SH3BP4: variants seen among roughly 807,000 people sequenced by gnomAD.
SH3BP4 encodes SH3 domain-binding protein 4.
Under a neutral mutation model 65.5 loss-of-function variants are expected in SH3BP4, and 33 were observed. The ratio of observed to expected loss-of-function variants is 0.50; its 90% confidence interval spans 0.38 to 0.67. The LOEUF (loss-of-function observed/expected upper bound fraction) is 0.67, where lower values mean the gene tolerates loss of function less well. Among genes scored for constraint, SH3BP4 ranks in the 30% least tolerant of loss-of-function variants. The probability of loss-of-function intolerance (pLI) is 0.00; values close to 1 mark genes in which losing one functional copy is unlikely to be tolerated. For synonymous variants in SH3BP4, 552 were observed against 545.5 expected, an observed-to-expected ratio of 1.01 and a Z score of -0.17; for missense variants, 1,134 against 1,261.4, an observed-to-expected ratio of 0.90 and a Z score of 1.53.
Position 235,042,033 on chromosome 2 carries a change from G to C in SH3BP4, c.1264G>C (p.Glu422Gln), listed in dbSNP as rs778013370. The change falls in exon 4 of 6, where the codon GAA (glutamate) becomes CAA (glutamine). Residue 422 changes from glutamate to glutamine, a missense_variant. By Grantham distance (29) the Glu-to-Gln change is conservative. Transcript: ENST00000392011. This position sits in a 1 kb window ranked among gnomAD's most constrained non-coding sequence, Gnocchi z 7.3. ...CCAGTGCCTGAGGAGCGACTCGAAG[G>C]AAGGGCCATATGTCTCCGTCCCGCT... Reference protein sequence around the residue: ...GLQCLRSDSKEGPYVSVPLNC... With the variant: ...GLQCLRSDSKQGPYVSVPLNC... 2 of 1,613,954 alleles carry C rather than the reference G, an allele frequency of 1.2e-6. No homozygotes were observed. The highest frequency in any genetic ancestry group is 1.7e-6 in the Non-Finnish European group (2 of 1,180,032).
chr2:235,049,767 T>G (rs7561714), intron 4 of SH3BP4, among the ~76,000 whole-genome samples: 32,021 of 152,190 alleles, frequency 0.21, 3,714 homozygotes, highest in East Asian at 0.42. Flanking sequence ...AATTCCCAAT[T>G]CCATGTGGGG....
chr2:234,964,129 T>C (rs1327862293), intron 1 of SH3BP4, among the ~76,000 whole-genome samples: 1 of 152,184 alleles, frequency 6.6e-6, no homozygotes, highest in African/African-American at 2.4e-5. Flanking sequence ...AGGCAGCACT[T>C]TGGGGCTTCG....
In SH3BP4 at chr2:235,045,467, C is replaced by T. The variant is rs1028720412; in HGVS notation, c.2478+2220C>T. Among the ~76,000 whole-genome samples the T allele has an allele frequency of 6.6e-6, 1 of 152,032 alleles. No individual in the cohort carries two copies. ...GGATTTTTTGGTGGGCCTCCCTGTC[C>T]GCTCCAGGGAGGGGTGTGTCCTCTG... On this transcript the variant is annotated intron_variant, in intron 4 of 5. Transcript: ENST00000392011. This position sits in a 1 kb window ranked among gnomAD's most constrained non-coding sequence, Gnocchi z 4.3.
intron 1 of SH3BP4, among the ~76,000 whole-genome samples, chr2:234,958,970 G>A (rs186572521): frequency 4.7e-4 from 72 of 152,194 alleles, no homozygotes; most frequent in Admixed American, 2.1e-3. Flanking sequence ...TCTCCTTGGG[G>A]TACCCGTGCG....
intron 1 of SH3BP4, among the ~76,000 whole-genome samples, chr2:234,954,949 T>A (rs1056641531): frequency 6.6e-6 from 1 of 152,218 alleles, no homozygotes; most frequent in Non-Finnish European, 1.5e-5. Context: ...CAGCCTCGTT[T>A]CAGGTACCAG....
intron 1 of SH3BP4, among the ~76,000 whole-genome samples, chr2:234,973,496 T>C (rs1693059377): frequency 6.6e-6 from 1 of 152,186 alleles, no homozygotes; most frequent in African/African-American, 2.4e-5. Flanking sequence ...CATCGAGGAT[T>C]TGTTGACCAC....
intron 2 of SH3BP4, among the ~76,000 whole-genome samples, chr2:235,006,879 T>G (rs957976292): frequency 6.6e-6 from 1 of 152,084 alleles, no homozygotes; most frequent in African/African-American, 2.4e-5. Context: ...ACATGGCTGA[T>G]GCACCTGGTG....
In SH3BP4 at chr2:234,967,908, G is replaced by T. The variant is rs1692880836; in HGVS notation, c.-207+15738G>T. 6.6e-6 allele frequency among the ~76,000 whole-genome samples: 1 copy of T among 152,166 alleles called. No individual in the cohort carries two copies. Among genetic ancestry groups the T allele is most frequent in the Non-Finnish European group, 1.5e-5 (1 of 68,026 alleles). On this transcript the variant is annotated intron_variant, in intron 1 of 5. Coordinates refer to ENST00000392011, the MANE Select transcript of SH3BP4 (RefSeq NM_014521.3). The surrounding 1 kb of genome is among the most constrained non-coding windows in gnomAD (Gnocchi z 4.6). ...GTACTTTGTGGGGCTTCTCTGATTG[G>T]CCATTGTGTGTTCATCTAAGAGTTA...
chr2:234,990,945 C>G (rs954362562), intron 1 of SH3BP4, among the ~76,000 whole-genome samples: 5 of 152,246 alleles, frequency 3.3e-5, no homozygotes, highest in East Asian at 1.9e-4. Context: ...TCACCTGTCC[C>G]TCTCTGTGTG....
rs1695858572 is a variant in SH3BP4, at chr2:235,046,349, GC to G, written c.2478+3103del. On this transcript the variant is annotated intron_variant, in intron 4 of 5. Coordinates refer to ENST00000392011, the MANE Select transcript of SH3BP4 (RefSeq NM_014521.3). The surrounding 1 kb of genome is among the most constrained non-coding windows in gnomAD (Gnocchi z 4.2). The stretch of plus-strand genomic sequence containing the variant: ...TTTGGGAGGCTGAGACAGGAGAATC[GC>G]TTGAGCCCGGGAATTCAAGACCAGC... 6.6e-6 allele frequency among the ~76,000 whole-genome samples: 1 copy of G among 152,038 alleles called. No homozygotes were observed. The highest frequency in any genetic ancestry group is 1.5e-5 in the Non-Finnish European group (1 of 68,010).
At chr2:234,982,727 A>T (rs1693424962) in intron 1 of SH3BP4, among the ~76,000 whole-genome samples, 1 of 152,080 alleles carries the variant, frequency 6.6e-6, no homozygotes, top group Admixed American at 6.5e-5. Flanking sequence ...AGGAGGTGGG[A>T]TATGTATAGG....
At chr2:235,036,836 C>G (rs1180294757) in intron 3 of SH3BP4, among the ~76,000 whole-genome samples, 1 of 151,778 alleles carries the variant, frequency 6.6e-6, no homozygotes. Context: ...AACAAGACAG[C>G]CTTGAACGTG....
intron 2 of SH3BP4, among the ~76,000 whole-genome samples, chr2:235,009,392 T>C (rs1261974729): frequency 1.3e-5 from 2 of 152,216 alleles, no homozygotes; most frequent in African/African-American, 4.8e-5. Context: ...GAGCCAGAGA[T>C]AAGAGGATCT....
rs779807368 is a variant in SH3BP4, at chr2:235,041,467, G to T, written c.698G>T (p.Arg233Met). 1 of 1,614,210 alleles carries T rather than the reference G, an allele frequency of 6.2e-7. No individual in the cohort carries two copies. The highest frequency in any genetic ancestry group is 1.7e-5 in the Admixed American group (1 of 60,036). ...GGACTCCACGCAGAGCCGCCGGTCA[G>T]GCGGGACAACCCCTTCTTCAGAAGC... ...TNGLHAEPPVRRDNPFFRSKR... is the reference protein window; with the variant it reads ...TNGLHAEPPVMRDNPFFRSKR... Residue 233 changes from arginine (R) to methionine (M), a missense_variant, in exon 4 of 6, where the codon AGG (arginine) becomes ATG (methionine). Arg to Met is a moderately conservative substitution (Grantham distance 91, BLOSUM62 -1). Transcript: ENST00000392011. This position sits in a 1 kb window ranked among gnomAD's most constrained non-coding sequence, Gnocchi z 6.0.
At chr2:235,044,576 T>G (rs1478264218) in intron 4 of SH3BP4, among the ~76,000 whole-genome samples, 1 of 152,246 alleles carries the variant, frequency 6.6e-6, no homozygotes, top group Non-Finnish European at 1.5e-5. Context: ...CCGCTCTTCC[T>G]CGTTCCTCTG....
At chr2:235,001,856 G>T (rs552213539) in intron 2 of SH3BP4, among the ~76,000 whole-genome samples, 1 of 152,192 alleles carries the variant, frequency 6.6e-6, no homozygotes, top group African/African-American at 2.4e-5. Flanking sequence ...GAGGTGTTTT[G>T]TTTTTTGTTT....
chr2:235,052,058 G>A lies in SH3BP4; in HGVS notation c.2479-504G>A, dbSNP rs1479545627. On this transcript the variant is annotated intron_variant, in intron 4 of 5. Transcript: ENST00000392011. The surrounding 1 kb of genome is among the most constrained non-coding windows in gnomAD (Gnocchi z 5.0). ...AGTCAGGGGTCCCAGGGTGGCCTCC[G>A]TCTGGAAGCAGTGGGGGAGAAGGGG... is the stretch of plus-strand genomic sequence containing the variant. Among the ~76,000 whole-genome samples, 1 of 152,160 alleles carries A rather than the reference G, an allele frequency of 6.6e-6. No homozygotes were observed. Among genetic ancestry groups the A allele is most frequent in the African/African-American group, 2.4e-5 (1 of 41,432 alleles).
At chr2:235,021,807 A>C (rs1367952684) in intron 2 of SH3BP4, among the ~76,000 whole-genome samples, 1 of 152,172 alleles carries the variant, frequency 6.6e-6, no homozygotes, top group Admixed American at 6.5e-5. Context: ...AATGACACAG[A>C]ACAGCCCCGA....
At chr2:234,969,289 G>T (rs1391637382) in intron 1 of SH3BP4, among the ~76,000 whole-genome samples, 2 of 152,180 alleles carry the variant, frequency 1.3e-5, no homozygotes, top group Non-Finnish European at 2.9e-5. Flanking sequence ...CTGATCTGCG[G>T]GTGGCTTTGG....
Sources: gnomAD v4.1 joint callset for allele counts (sites outside exome capture counted in the v4.1 genomes callset) on GRCh38, gnomAD v4.1.1 for gene constraint, Gnocchi (gnomAD v3.1) non-coding constraint, MANE v1.5 for transcripts, NCBI Gene and HGNC (gene_info 2026-07-23, HGNC 2026-07-21) for gene names.